TMEM11: variants seen among roughly 807,000 people sequenced by gnomAD.
TMEM11 encodes the protein transmembrane protein 11.
In TMEM11, 1 loss-of-function variant was observed where a neutral mutation model predicts 17.0. The ratio of observed to expected loss-of-function variants is 0.06; its 90% CI spans 0.02 to 0.28. The LOEUF (loss-of-function observed/expected upper bound fraction) is 0.28. Among genes scored for constraint, TMEM11 ranks in the 10% least tolerant of loss-of-function variants. TMEM11 has a pLI of 1.00. For missense variants in TMEM11, 172 were observed against 252.9 expected, an observed-to-expected ratio of 0.68 and a Z score of 2.17; for synonymous variants, 122 against 118.1, an observed-to-expected ratio of 1.03 and a Z score of -0.21.
intron 1 of TMEM11, among the ~76,000 whole-genome samples, chr17:21,207,828 C>T (rs1974959113): frequency 6.6e-6 from 1 of 151,514 alleles, no homozygotes; most frequent in Non-Finnish European, 1.5e-5. Context: ...GTAGAGGTTG[C>T]AGTGAGCCAA....
intron 1 of TMEM11, 80 bp downstream of exon 1, chr17:21,214,011 G>C (rs1975033918): frequency 7.4e-7 from 1 of 1,349,468 alleles, no homozygotes; most frequent in Non-Finnish European, 1.0e-6. Context: ...AAGGAAGGCT[G>C]CTGCAGCCCT....
At chr17:21,211,334 T>C (rs1341034552) in intron 1 of TMEM11, 2 of 827,706 alleles carry the variant, frequency 2.4e-6, no homozygotes, top group Non-Finnish European at 3.4e-6. Context: ...ATCATAACTT[T>C]CTGCAGTGAT....
chr17:21,213,035 T>C (rs954716286), intron 1 of TMEM11: 1 of 152,172 alleles, frequency 6.6e-6, no homozygotes, highest in African/African-American at 2.4e-5. Flanking sequence ...TCTTCCCAGC[T>C]GGGAAAGCCA....
chr17:21,201,137 G>C (rs1181640593), intron 1 of TMEM11, among the ~76,000 whole-genome samples: 1 of 152,236 alleles, frequency 6.6e-6, no homozygotes, highest in Non-Finnish European at 1.5e-5. Context: ...TAAACAACTA[G>C]TTAACGATCT....
chr17:21,203,694 G>GAAAAAAAAGAA (rs1974908459), intron 1 of TMEM11, among the ~76,000 whole-genome samples: 3 of 143,650 alleles, frequency 2.1e-5, no homozygotes, highest in South Asian at 2.2e-4. Context: ...ATGACAGAAA[G>GAAAAAAAAGAA]AAAAAAAAGA....
At chr17:21,212,273 G>A (rs946597360) in intron 1 of TMEM11, among the ~76,000 whole-genome samples, 2 of 152,164 alleles carry the variant, frequency 1.3e-5, no homozygotes, top group African/African-American at 2.4e-5. Context: ...TGTGTGAGTA[G>A]AGCCTTCAGT....
chr17:21,213,114 G>C (rs1041631266), intron 1 of TMEM11: 8 of 152,246 alleles, frequency 5.3e-5, no homozygotes, highest in African/African-American at 1.9e-4. Flanking sequence ...GAGTAGTTGA[G>C]AGGAAGATAA....
chr17:21,198,674 C>T lies in TMEM11; in HGVS notation c.229G>A (p.Val77Met), dbSNP rs754034119. The T allele has an allele frequency of 8.1e-6, 13 of 1,614,018 alleles. No homozygotes were observed. The highest frequency in any genetic ancestry group is 4.5e-5 in the East Asian group (2 of 44,894). ...IGDETARWITVGNCLHKTAVL... is the reference protein window; with the variant it reads ...IGDETARWITMGNCLHKTAVL... ...GCCGTCTTGTGCAGGCAGTTGCCCA[C>T]GGTGATCCAGCGGGCTGTCTCGTCG... The change falls in exon 2 of 2, where the codon GTG (valine) becomes ATG (methionine). Residue 77 changes from valine (V) to methionine (M), a missense_variant. Val to Met is a conservative substitution (Grantham distance 21). Transcript: ENST00000317635. This position sits in a 1 kb window ranked among gnomAD's most constrained non-coding sequence, Gnocchi z 6.5.
chr17:21,205,234 A>G (rs1974929749), intron 1 of TMEM11, among the ~76,000 whole-genome samples: 2 of 152,168 alleles, frequency 1.3e-5, no homozygotes, highest in Admixed American at 6.6e-5. Flanking sequence ...CCGCACAAGA[A>G]GGTTCAGAGC....
chr17:21,202,947 G>A (rs542605553), intron 1 of TMEM11, among the ~76,000 whole-genome samples: 35 of 152,346 alleles, frequency 2.3e-4, no homozygotes, highest in African/African-American at 7.5e-4. Flanking sequence ...GTCTTCATAT[G>A]GGCTGGGCAC....
Position 21,198,534 on chromosome 17 carries a change from C to G in TMEM11, c.369G>C (p.Gly123=). ...AGCAAGGGTCAAACTGCCAGGAGAT[C>G]CCATAGAGGGTGCAGCAGGCCAGGC... ...VLSLACCTLY[G]ISWQFDPCCK... is the part of the protein sequence containing the mutation. The change falls in exon 2 of 2, where the codon GGG becomes GGC. Residue 123 remains glycine (G), a synonymous_variant. Transcript: ENST00000317635. This position sits in a 1 kb window ranked among gnomAD's most constrained non-coding sequence, Gnocchi z 6.5. 6.2e-7 allele frequency: 1 copy of G among 1,614,234 alleles called. No individual in the cohort carries two copies. The highest frequency in any genetic ancestry group is 2.2e-5 in the East Asian group (1 of 44,884).
chr17:21,208,124 C>G (rs1334574710), intron 1 of TMEM11, among the ~76,000 whole-genome samples: 3 of 151,334 alleles, frequency 2.0e-5, no homozygotes, highest in African/African-American at 7.3e-5. Context: ...TCCAGAGTAG[C>G]TGGGACTACA....
In TMEM11 at chr17:21,198,783, A is replaced by G; in HGVS notation, c.120T>C (p.Asn40=). 6.2e-7 allele frequency: 1 copy of G among 1,613,952 alleles called. No individual in the cohort carries two copies. Among genetic ancestry groups the G allele is most frequent in the Non-Finnish European group, 8.5e-7 (1 of 1,180,032 alleles). Residue 40 remains asparagine, a synonymous_variant, in exon 2 of 2, where the codon AAT becomes AAC. Transcript: ENST00000317635. This position sits in a 1 kb window ranked among gnomAD's most constrained non-coding sequence, Gnocchi z 6.5. ...YIVHEIYNGE[N]AQDQFEYELE... ...GCTCGTACTCAAACTGGTCTTGGGC[A>G]TTCTCCCCATTGTAGATCTCATGCA...
chr17:21,201,314 A>G (rs1109515), intron 1 of TMEM11, among the ~76,000 whole-genome samples: 132,793 of 152,216 alleles, frequency 0.87, 58,194 homozygotes, highest in African/African-American at 0.92. Flanking sequence ...TAACTAAGCC[A>G]GGCTAAGGCA....
chr17:21,201,914 T>A (rs1214791032), intron 1 of TMEM11, among the ~76,000 whole-genome samples: 1 of 152,194 alleles, frequency 6.6e-6, no homozygotes, highest in Non-Finnish European at 1.5e-5. Context: ...TTAACAGGCA[T>A]GAGCTACCGC....
rs1974887624 is a variant in TMEM11, at chr17:21,202,003, A to T, written c.63-3163T>A. 2.0e-5 allele frequency among the ~76,000 whole-genome samples: 3 copies of T among 152,202 alleles called. No homozygotes were observed. The South Asian group carries it at 6.2e-4, about 32-fold the overall frequency. On this transcript the variant is annotated intron_variant, in intron 1 of 1. Coordinates refer to ENST00000317635, the MANE Select transcript of TMEM11 (RefSeq NM_003876.3). ...AAGCAGGGTCTTCACTGGCGCTGGAAAGCTGAAGGCCGAGCAGTGCCCCCA... is the reference window on the plus strand; with the variant it reads ...AAGCAGGGTCTTCACTGGCGCTGGATAGCTGAAGGCCGAGCAGTGCCCCCA...
intron 1 of TMEM11, among the ~76,000 whole-genome samples, chr17:21,200,266 C>A (rs1221899642): frequency 6.6e-6 from 1 of 152,252 alleles, no homozygotes; most frequent in Non-Finnish European, 1.5e-5. Context: ...CTGTGGCGGG[C>A]AGGCCTGAAG....
chr17:21,205,199 G>C (rs1395382065), intron 1 of TMEM11, among the ~76,000 whole-genome samples: 1 of 152,170 alleles, frequency 6.6e-6, no homozygotes, highest in Non-Finnish European at 1.5e-5. Context: ...CCACAGTCTG[G>C]AGGCGTCTCC....
Position 21,207,107 on chromosome 17 carries a change from C to T in TMEM11, c.62+6984G>A, listed in dbSNP as rs77656671. ...ATTTCATTTAAATGGAATCCTGTAA[C>T]GTGGTCTTCAACAACTGGCTTCTTT... On this transcript the variant is annotated intron_variant, in intron 1 of 1. Coordinates refer to ENST00000317635, the MANE Select transcript of TMEM11 (RefSeq NM_003876.3). Among the ~76,000 whole-genome samples the T allele has an allele frequency of 8.2e-3, 1,250 of 152,298 alleles. 26 individuals carry two copies. Among genetic ancestry groups the T allele is most frequent in the African/African-American group, 0.028 (1,176 of 41,582 alleles).
Sources: allele counts gnomAD v4.1 joint callset (sites outside exome capture counted in the v4.1 genomes callset), GRCh38; gene constraint gnomAD v4.1.1; non-coding constraint Gnocchi (gnomAD v3.1); transcripts MANE v1.5; gene names NCBI Gene and HGNC (gene_info 2026-07-23, HGNC 2026-07-21).